The following PRKG1 variants were observed in gnomAD, a reference collection of about 807,000 sequenced individuals.
PRKG1 encodes cGMP-dependent protein kinase 1.
PRKG1 carries 35 observed loss-of-function variants against 88.1 expected under a neutral mutation model. The observed-to-expected ratio is 0.40, with a 90% confidence interval of 0.30 to 0.53. PRKG1 has a LOEUF of 0.53. Among genes scored for constraint, PRKG1 ranks in the 20% least tolerant of loss-of-function variants. The probability of loss-of-function intolerance (pLI) is 0.59; values close to 1 mark genes in which losing one functional copy is unlikely to be tolerated. For missense variants in PRKG1, 540 were observed against 839.8 expected (o/e 0.64, Z 4.41); for synonymous variants, 303 against 292.5 (o/e 1.04, Z -0.37).
intron 2 of PRKG1, among the ~76,000 whole-genome samples, chr10:51,256,902 G>A (rs989995960): frequency 6.6e-6 from 1 of 152,000 alleles, no homozygotes; most frequent in Non-Finnish European, 1.5e-5. Context: ...TGTTTATAAA[G>A]ATTAATTTTC....
chr10:52,018,032 A>T (rs1845087569), intron 5 of PRKG1, among the ~76,000 whole-genome samples: 1 of 149,220 alleles, frequency 6.7e-6, no homozygotes, highest in African/African-American at 2.6e-5. Flanking sequence ...GATTTGCCTA[A>T]TTACGCAGTA....
intron 3 of PRKG1, among the ~76,000 whole-genome samples, chr10:51,522,768 T>C (rs1030606431): frequency 3.3e-5 from 5 of 152,176 alleles, no homozygotes; most frequent in African/African-American, 9.6e-5. Context: ...TGCTTTTTTT[T>C]AAAGAATATT....
At chr10:52,133,525 C>G (rs764132549) in intron 7 of PRKG1, among the ~76,000 whole-genome samples, 1 of 152,098 alleles carries the variant, frequency 6.6e-6, no homozygotes, top group Non-Finnish European at 1.5e-5. Flanking sequence ...ATGTTTGTTA[C>G]TATCTTGATC....
At chr10:52,002,359 T>C (rs761982152) in intron 5 of PRKG1, among the ~76,000 whole-genome samples, 1 of 152,140 alleles carries the variant, frequency 6.6e-6, no homozygotes, top group Non-Finnish European at 1.5e-5. Flanking sequence ...GGAATACTTT[T>C]TGTTTCCACT....
rs200955026 is a variant in PRKG1, at chr10:52,290,012, T to G, written c.1896-212T>G. ...ACAAGGAATAAGTGTTGCATGTTAA[T>G]TGGTGTTTAAAATTTGACAGTTATA... On this transcript the variant is annotated intron_variant, in intron 16 of 17. Transcript: ENST00000373980. 1.7e-4 allele frequency among the ~76,000 whole-genome samples: 26 copies of G among 152,306 alleles called. No individual in the cohort carries two copies. The East Asian group carries it at 4.6e-3, about 27-fold the overall frequency.
chr10:51,367,646 A>G (rs927530833), intron 2 of PRKG1, among the ~76,000 whole-genome samples: 6 of 151,888 alleles, frequency 4.0e-5, no homozygotes, highest in Non-Finnish European at 5.9e-5. Context: ...TAATTTCTCT[A>G]TTCCATCTAA....
chr10:51,913,719 T>C (rs1842276475), intron 5 of PRKG1, among the ~76,000 whole-genome samples: 2 of 152,178 alleles, frequency 1.3e-5, no homozygotes. Flanking sequence ...TGTTCACTGT[T>C]ATTGTCACTG....
At chr10:52,166,465 G>A (rs1430102223) in intron 9 of PRKG1, among the ~76,000 whole-genome samples, 4 of 124,866 alleles carry the variant, frequency 3.2e-5, no homozygotes, top group Non-Finnish European at 4.8e-5. Flanking sequence ...ACGGAGTCTC[G>A]CTCTGTCGCC....
intron 3 of PRKG1, among the ~76,000 whole-genome samples, chr10:51,621,009 G>GTATATATATATATATATATATATATA (rs55657310): frequency 2.5e-5 from 3 of 121,902 alleles, no homozygotes; most frequent in Non-Finnish European, 5.1e-5. Flanking sequence ...GTATATGTGT[G>GTATATATATATATATATATATATATA]TATATATATA....
At chr10:51,599,023 T>C (rs1256464499) in intron 3 of PRKG1, among the ~76,000 whole-genome samples, 1 of 152,116 alleles carries the variant, frequency 6.6e-6, no homozygotes, top group Non-Finnish European at 1.5e-5. Context: ...TGAAATAAAG[T>C]ATGAAATGTT....
chr10:51,654,993 T>C (rs1051454511), intron 3 of PRKG1, among the ~76,000 whole-genome samples: 1 of 152,340 alleles, frequency 6.6e-6, no homozygotes, highest in Non-Finnish European at 1.5e-5. Flanking sequence ...TTAGAATTTC[T>C]GTATTTTTCC....
intron 3 of PRKG1, among the ~76,000 whole-genome samples, chr10:51,551,812 ACTTTT>A (rs1380399926): frequency 3.3e-5 from 5 of 151,754 alleles, no homozygotes; most frequent in African/African-American, 1.2e-4. Flanking sequence ...TATTTGAAGT[ACTTTT>A]CTTTTATCTC....
chr10:51,573,117 T>G (rs1224334148), intron 3 of PRKG1, among the ~76,000 whole-genome samples: 1 of 151,832 alleles, frequency 6.6e-6, no homozygotes, highest in Non-Finnish European at 1.5e-5. Context: ...TATTTAGAAA[T>G]AGCCCTAATA....
intron 3 of PRKG1, among the ~76,000 whole-genome samples, chr10:51,628,152 C>CTTTA (rs1418285646): frequency 2.6e-4 from 6 of 22,902 alleles, no homozygotes; most frequent in African/African-American, 5.4e-4. Flanking sequence ...TTCTTTCTTT[C>CTTTA]TTTCTTTCTT....
chr10:51,876,884 C>G (rs540158527), intron 4 of PRKG1, among the ~76,000 whole-genome samples: 13 of 152,194 alleles, frequency 8.5e-5, no homozygotes, highest in African/African-American at 3.1e-4. Flanking sequence ...CTAATATTAC[C>G]CAGCAGAATC....
intron 3 of PRKG1, among the ~76,000 whole-genome samples, chr10:51,547,919 C>T (rs188039040): frequency 6.6e-6 from 1 of 152,160 alleles, no homozygotes; most frequent in Non-Finnish European, 1.5e-5. Context: ...ATTATTGTTC[C>T]CCATATTCAT....
At chr10:51,625,736 AG>A (rs755904652) in intron 3 of PRKG1, among the ~76,000 whole-genome samples, 211 of 151,972 alleles carry the variant, frequency 1.4e-3, no homozygotes, top group Middle Eastern at 3.4e-3. Context: ...AAAAAAAAAA[AG>A]AATATATGAA....
intron 3 of PRKG1, among the ~76,000 whole-genome samples, chr10:51,786,179 T>C (rs937138064): frequency 1.3e-5 from 2 of 152,188 alleles, no homozygotes; most frequent in Admixed American, 6.6e-5. Flanking sequence ...TGATAACTTA[T>C]TAATTTTTGG....
chr10:51,108,575 AGT>A (rs1448217317), intron 1 of PRKG1, among the ~76,000 whole-genome samples: 2 of 152,210 alleles, frequency 1.3e-5, no homozygotes, highest in Non-Finnish European at 2.9e-5. Context: ...GACTTAAGCC[AGT>A]ACCCATTCCT....
Sources: gnomAD v4.1 joint callset for allele counts (sites outside exome capture counted in the v4.1 genomes callset) on GRCh38, gnomAD v4.1.1 for gene constraint, MANE v1.5 for transcripts, NCBI Gene and HGNC (gene_info 2026-07-23, HGNC 2026-07-21) for gene names.